Variants in CCDC33 observed in about 807,000 individuals in gnomAD.
CCDC33 encodes the protein coiled-coil domain-containing protein 33.
Under a neutral mutation model 91.9 loss-of-function variants are expected in CCDC33, and 94 were observed. The ratio of observed to expected loss-of-function variants is 1.02; its 90% CI spans 0.87 to 1.21. The LOEUF is 1.21. CCDC33 is among the 50% of genes most tolerant of loss of function. The probability of loss-of-function intolerance (pLI) is 0.00; values close to 1 mark genes in which losing one functional copy is unlikely to be tolerated. For missense variants in CCDC33, 940 were observed against 935.5 expected (o/e 1.00, Z -0.06); for synonymous variants, 396 against 374.5 (o/e 1.06, Z -0.66).
At chr15:74,294,886 G>A (rs375509483) in intron 10 of CCDC33, among the ~76,000 whole-genome samples, 19 of 152,314 alleles carry the variant, frequency 1.2e-4, no homozygotes, top group African/African-American at 2.9e-4. Flanking sequence ...ATCCTTGGGC[G>A]GTGGGGGTGC....
chr15:74,215,886 A>AAAAAAAAAAAAGAAAG (rs1347849570), upstream of CCDC33, among the ~76,000 whole-genome samples: 1 of 113,840 alleles, frequency 8.8e-6, no homozygotes, highest in African/African-American at 2.9e-5. Context: ...AAAAAAAAAA[A>AAAAAAAAAAAAGAAAG]AAAGAAAGAA....
intron 10 of CCDC33, among the ~76,000 whole-genome samples, chr15:74,286,753 G>C (rs1480811603): frequency 6.6e-6 from 1 of 152,162 alleles, no homozygotes; most frequent in Admixed American, 6.5e-5. Flanking sequence ...ACCCTCCTCA[G>C]CCCACAGCCC....
At chr15:74,332,044 A>C (rs896582454) in intron 15 of CCDC33, among the ~76,000 whole-genome samples, 1 of 152,164 alleles carries the variant, frequency 6.6e-6, no homozygotes, top group African/African-American at 2.4e-5. Flanking sequence ...TAAATAAATA[A>C]ATAAATGATT....
At chr15:74,308,138 G>A (rs1292064565) in intron 11 of CCDC33, among the ~76,000 whole-genome samples, 1 of 152,082 alleles carries the variant, frequency 6.6e-6, no homozygotes, top group African/African-American at 2.4e-5. Context: ...GTTGTACCCC[G>A]AAGAGGGCCA....
intron 1 of CCDC33, among the ~76,000 whole-genome samples, chr15:74,208,357 C>A (rs1357322707): frequency 6.6e-6 from 1 of 152,176 alleles, no homozygotes; most frequent in Non-Finnish European, 1.5e-5. Context: ...GCCCCACGTT[C>A]TCCGTTCCCA....
intron 7 of CCDC33, among the ~76,000 whole-genome samples, chr15:74,278,906 A>C (rs1458909389): frequency 6.6e-6 from 1 of 152,226 alleles, no homozygotes; most frequent in Admixed American, 6.5e-5. Flanking sequence ...ACTGGCCCAC[A>C]CTGCGGGCAC....
At chr15:74,294,852 C>A (rs1281152351) in intron 10 of CCDC33, among the ~76,000 whole-genome samples, 1 of 152,118 alleles carries the variant, frequency 6.6e-6, no homozygotes, top group Non-Finnish European at 1.5e-5. Flanking sequence ...ACCTACAAGT[C>A]AGTGTGAGCT....
rs2060097058 is a variant in CCDC33 at position 74,316,841 on chromosome 15, AGC to A, written c.1291-13346_1291-13345del. ...CTCGCAGCCTCATTTAATCCCCAAC[AGC>A]GTTATGAGATGGGCACAGTGATGCA... On this transcript the variant is annotated intron_variant, in intron 11 of 18. Coordinates refer to ENST00000398814, the MANE Select transcript of CCDC33 (RefSeq NM_025055.5). This position sits in a 1 kb window ranked among gnomAD's most constrained non-coding sequence, Gnocchi z 4.7. Among the ~76,000 whole-genome samples, 1 of 152,134 alleles carries A rather than the reference AGC, an allele frequency of 6.6e-6. No homozygotes were observed. The highest frequency in any genetic ancestry group is 2.4e-5 in the African/African-American group (1 of 41,426).
chr15:74,317,340 G>A (rs1167553780), intron 11 of CCDC33, among the ~76,000 whole-genome samples: 1 of 152,144 alleles, frequency 6.6e-6, no homozygotes, highest in African/African-American at 2.4e-5. Context: ...CAGCCTGGGA[G>A]ACAGAGCAAG....
intron 2 of CCDC33, among the ~76,000 whole-genome samples, chr15:74,230,189 C>T (rs1595896242): frequency 6.6e-6 from 1 of 152,158 alleles, no homozygotes; most frequent in South Asian, 2.1e-4. Context: ...TGATGGGGTC[C>T]TACTAAGGTG....
At chr15:74,209,117 G>T in intron 1 of CCDC33, 1 of 1,320,840 alleles carries the variant, frequency 7.6e-7, no homozygotes, top group Non-Finnish European at 9.7e-7. Context: ...TTGATTCCGG[G>T]ATCAGAGGAA....
At chr15:74,318,778 G>A in intron 11 of CCDC33, 3 of 656,104 alleles carry the variant, frequency 4.6e-6, no homozygotes, top group South Asian at 1.8e-5. Context: ...TTAAGTGGGA[G>A]GCAGGGTGGA....
chr15:74,295,511 A>G (rs909371180), intron 10 of CCDC33, among the ~76,000 whole-genome samples: 1 of 152,176 alleles, frequency 6.6e-6, no homozygotes, highest in Non-Finnish European at 1.5e-5. Context: ...ACCTCCAGGA[A>G]GAGAACAGCA....
upstream of CCDC33, among the ~76,000 whole-genome samples, chr15:74,232,219 G>A (rs758848883): frequency 1.4e-4 from 21 of 152,094 alleles, no homozygotes; most frequent in Non-Finnish European, 2.4e-4. Flanking sequence ...CCATGGAGAG[G>A]GGCTCACACA....
chr15:74,210,965 GT>G (rs2074358991), intron 2 of CCDC33, among the ~76,000 whole-genome samples: 1 of 152,178 alleles, frequency 6.6e-6, no homozygotes, highest in Non-Finnish European at 1.5e-5. Flanking sequence ...AGAGCAGTAA[GT>G]TACTGGCAAA....
Position 74,218,597 on chromosome 15 carries a change from C to T in CCDC33, c.411C>T (p.Ala137=), listed in dbSNP as rs1349291081. ...GGGCAGCCCAGCGGGTGGGTGAGGCCATCTTCCCCATCTACCCGAGGCCAG... is the reference window on the plus strand; with the variant it reads ...GGGCAGCCCAGCGGGTGGGTGAGGCTATCTTCCCCATCTACCCGAGGCCAG... Residue 137 remains alanine (A), a synonymous_variant, in exon 2 of 3, where the codon GCC becomes GCT. Coordinates refer to the CCDC33 transcript ENST00000635913. This position sits in a 1 kb window ranked among gnomAD's most constrained non-coding sequence, Gnocchi z 4.8. 1 of 1,289,832 alleles carries T rather than the reference C, an allele frequency of 7.8e-7. No individual in the cohort carries two copies. Among genetic ancestry groups the T allele is most frequent in the African/African-American group, 1.5e-5 (1 of 65,986 alleles). The allele number at this position is 1,289,832 out of a possible 1,614,324, so 79.9% of individuals were successfully genotyped here. A position where few individuals can be genotyped will look rare whatever the true frequency, so the allele number is the denominator to read the frequency against.
rs2074774676 is a variant in CCDC33, at chr15:74,225,728, G to T, written c.675+6867G>T. Among the ~76,000 whole-genome samples the T allele has an allele frequency of 2.0e-5, 3 of 152,204 alleles. No individual in the cohort carries two copies. The South Asian group carries it at 6.2e-4, about 32-fold the overall frequency. On this transcript the variant is annotated intron_variant, in intron 2 of 2. Coordinates refer to the CCDC33 transcript ENST00000635913. ...GGACATGGCATATGTGATATATGAG[G>T]TGAGATTAAAACCCTGCGTGAAACC...
At chr15:74,296,792 G>A (rs2059696564) in intron 11 of CCDC33, among the ~76,000 whole-genome samples, 1 of 152,208 alleles carries the variant, frequency 6.6e-6, no homozygotes, top group African/African-American at 2.4e-5. Flanking sequence ...AGGAGTCAGT[G>A]CTGGGTTTCA....
intron 2 of CCDC33, among the ~76,000 whole-genome samples, chr15:74,245,587 T>A (rs2075498721): frequency 6.6e-6 from 1 of 152,098 alleles, no homozygotes; most frequent in African/African-American, 2.4e-5. Flanking sequence ...GGGAGCTGGG[T>A]GGCTGTGTGG....
Sources: allele counts gnomAD v4.1 joint callset (sites outside exome capture counted in the v4.1 genomes callset), GRCh38; gene constraint gnomAD v4.1.1; non-coding constraint Gnocchi (gnomAD v3.1); transcripts MANE v1.5; gene names NCBI Gene and HGNC (gene_info 2026-07-23, HGNC 2026-07-21).